The following PTGFRN variants were observed in gnomAD, a reference collection of about 807,000 sequenced individuals.
The protein encoded by PTGFRN is prostaglandin F2 receptor negative regulator.
PTGFRN carries 35 observed loss-of-function variants against 83.2 expected under a neutral mutation model. The observed-to-expected ratio is 0.42, with a 90% CI of 0.32 to 0.56. The LOEUF (loss-of-function observed/expected upper bound fraction) is 0.56. Among genes scored for constraint, PTGFRN ranks in the 20% least tolerant of loss-of-function variants. The pLI, the probability that PTGFRN is intolerant of heterozygous loss-of-function variation, is 0.11. For synonymous variants in PTGFRN, 519 were observed against 498.6 expected (o/e 1.04, Z -0.55); for missense variants, 1,051 against 1,179.5 (o/e 0.89, Z 1.60).
Position 116,909,987 on chromosome 1 carries a change from C to T in PTGFRN, c.-217C>T. On this transcript the variant is annotated 5_prime_UTR_variant, in exon 1 of 9. Transcript: ENST00000393203. ...GGGGCCGGCTCCCGGGCCCGGCCGGCTGGAGGAGGGAGGGAAGGAGGCGGG... is the reference window on the plus strand; with the variant it reads ...GGGGCCGGCTCCCGGGCCCGGCCGGTTGGAGGAGGGAGGGAAGGAGGCGGG... 1 of 589,126 alleles carries T rather than the reference C, an allele frequency of 1.7e-6. No individual in the cohort carries two copies. Among genetic ancestry groups the T allele is most frequent in the Non-Finnish European group, 3.0e-6 (1 of 334,948 alleles). 36.5% of individuals were successfully genotyped at this position (589,126 alleles called of 1,614,324 possible).
At position 116,941,996 on chromosome 1, in the gene PTGFRN, C is replaced by A. The variant is rs1650076166; in HGVS notation, c.331C>A (p.Pro111Thr). 6.2e-7 allele frequency: 1 copy of A among 1,614,212 alleles called. No homozygotes were observed. The highest frequency in any genetic ancestry group is 8.5e-7 in the Non-Finnish European group (1 of 1,180,042). ...AVELHIKNVQ[P>T]SDQGHYKCST... ...GGAGCTCCACATAAAGAACGTCCAG[C>A]CTTCAGACCAAGGCCACTACAAATG... is the stretch of plus-strand genomic sequence containing the variant. The change falls in exon 2 of 9, where the codon CCT becomes ACT. Residue 111 changes from proline (P) to threonine (T), a missense_variant. Pro to Thr is a conservative substitution (Grantham distance 38). Around this residue, in one of 3 missense-constraint regions of PTGFRN, gnomAD observed 127 missense variants for 168.4 expected, o/e 0.75. Coordinates refer to ENST00000393203, the MANE Select transcript of PTGFRN (RefSeq NM_020440.4). The surrounding 1 kb of genome is among the most constrained non-coding windows in gnomAD (Gnocchi z 5.0).
Position 116,987,218 on chromosome 1 carries a change from A to C in PTGFRN, c.*251A>C. ...TGTGTTTTCCCAACTGCAGCTTTTT[A>C]ATGGTTAACCTTCATCTAATTTTTT... On this transcript the variant is annotated 3_prime_UTR_variant, in exon 9 of 9. Coordinates refer to ENST00000393203, the MANE Select transcript of PTGFRN (RefSeq NM_020440.4). 2.3e-6 allele frequency: 1 copy of C among 440,384 alleles called. No individual in the cohort carries two copies. The highest frequency in any genetic ancestry group is 4.1e-6 in the Non-Finnish European group (1 of 242,748). The allele number at this position is 440,384 out of a possible 1,614,324, so 27.3% of individuals were successfully genotyped here.
chr1:116,924,125 G>A (rs949070123), intron 1 of PTGFRN, among the ~76,000 whole-genome samples: 9 of 150,668 alleles, frequency 6.0e-5, no homozygotes, highest in African/African-American at 1.2e-4. Flanking sequence ...CCTATGTCTC[G>A]TCTCTACCTG....
Position 116,941,729 on chromosome 1 carries a change from C to T in PTGFRN, c.64C>T (p.Arg22Cys), listed in dbSNP as rs1190695040. Residue 22 changes from arginine (R) to cysteine (C), a missense_variant, in exon 2 of 9, where the codon CGT (arginine) becomes TGT (cysteine). Around this residue, in one of 3 missense-constraint regions of PTGFRN, gnomAD observed 127 missense variants for 168.4 expected, o/e 0.75. Coordinates refer to ENST00000393203, the MANE Select transcript of PTGFRN (RefSeq NM_020440.4). The surrounding 1 kb of genome is among the most constrained non-coding windows in gnomAD (Gnocchi z 5.0). ...ALLSLALCRG[R>C]VVRVPTATLV... is the part of the protein sequence containing the mutation. ...TATCATTGCAGCTCTTTGCCGAGGGCGTGTGGTGAGAGTCCCCACAGCGAC... is the reference window on the plus strand; with the variant it reads ...TATCATTGCAGCTCTTTGCCGAGGGTGTGTGGTGAGAGTCCCCACAGCGAC... 1.2e-6 allele frequency: 2 copies of T among 1,611,932 alleles called. No homozygotes were observed. Among genetic ancestry groups the T allele is most frequent in the African/African-American group, 1.3e-5 (1 of 74,860 alleles).
intron 8 of PTGFRN, 118 bp downstream of exon 8, chr1:116,985,103 T>G (rs1651426725): frequency 2.7e-6 from 3 of 1,092,254 alleles, no homozygotes; most frequent in Non-Finnish European, 4.0e-6. Flanking sequence ...CGTCCTGCTT[T>G]CTTTCTAGAC....
Position 116,961,718 on chromosome 1 carries a change from C to A in PTGFRN, c.1639+50C>A. On this transcript the variant is annotated intron_variant, in intron 5 of 8. Coordinates refer to ENST00000393203, the MANE Select transcript of PTGFRN (RefSeq NM_020440.4). This position sits in a 1 kb window ranked among gnomAD's most constrained non-coding sequence, Gnocchi z 5.4. ...ATTTTTGTTTTGTCTTTGCTTAAGT[C>A]GTGCCGCTGTGTGTTGATGCACAGT... The A allele has an allele frequency of 2.0e-6, 3 of 1,528,152 alleles. No individual in the cohort carries two copies. The highest frequency in any genetic ancestry group is 2.6e-5 in the South Asian group (2 of 78,282). The allele number at this position is 1,528,152 out of a possible 1,614,324, so 94.7% of individuals were successfully genotyped here. A position where few individuals can be genotyped will look rare whatever the true frequency, so the allele number is the denominator to read the frequency against.
intron 8 of PTGFRN, among the ~76,000 whole-genome samples, chr1:116,985,987 A>G (rs1212437758): frequency 6.6e-6 from 1 of 152,232 alleles, no homozygotes; most frequent in African/African-American, 2.4e-5. Flanking sequence ...GCCTCCGAGG[A>G]TGAGTAAAAG....
intron 2 of PTGFRN, among the ~76,000 whole-genome samples, chr1:116,942,592 T>A (rs1206379941): frequency 4.6e-5 from 7 of 152,218 alleles, no homozygotes; most frequent in Admixed American, 4.6e-4. Flanking sequence ...ATGTTAATGA[T>A]GCTCAGGTTT....
chr1:116,910,417 C>T (rs1194463714), intron 1 of PTGFRN, among the ~76,000 whole-genome samples, 165 bp downstream of exon 1: 1 of 149,916 alleles, frequency 6.7e-6, no homozygotes, highest in East Asian at 2.0e-4. Flanking sequence ...GGGGAGCGGC[C>T]GCGGGGCCGC....
intron 4 of PTGFRN, among the ~76,000 whole-genome samples, chr1:116,954,736 T>G (rs567079167): frequency 6.6e-6 from 1 of 151,736 alleles, no homozygotes; most frequent in Non-Finnish European, 1.5e-5. Flanking sequence ...GTCCTATAAT[T>G]CTGCTCTCAC....
At chr1:116,950,059 C>A (rs1013042642) in intron 4 of PTGFRN, among the ~76,000 whole-genome samples, 3 of 152,082 alleles carry the variant, frequency 2.0e-5, no homozygotes, top group East Asian at 3.8e-4. Flanking sequence ...ATACCACTTA[C>A]AACTAAAGGG....
chr1:116,938,988 T>A (rs1005573536), intron 1 of PTGFRN, among the ~76,000 whole-genome samples: 6 of 152,214 alleles, frequency 3.9e-5, no homozygotes, highest in Non-Finnish European at 8.8e-5. Context: ...ACGTCTCACA[T>A]CCAGGTCACG....
At chr1:116,981,755 A>G (rs1199924154) in intron 7 of PTGFRN, among the ~76,000 whole-genome samples, 3 of 152,268 alleles carry the variant, frequency 2.0e-5, no homozygotes, top group Non-Finnish European at 4.4e-5. Flanking sequence ...GTAGATAATA[A>G]TGTAAGCAAA....
chr1:116,973,926 A>G (rs900825972), intron 6 of PTGFRN, among the ~76,000 whole-genome samples: 2 of 152,214 alleles, frequency 1.3e-5, no homozygotes, highest in African/African-American at 2.4e-5. Context: ...GGTGGAGGGT[A>G]GCTTTCGAAT....
rs752831772 is a variant in PTGFRN at position 116,988,030 on chromosome 1, A to G, written c.*1063A>G. The stretch of plus-strand genomic sequence containing the variant: ...TTGCAGGGGGACCCACAGATATGCC[A>G]TGTCCTTCACACGTGCTTGGGCTCC... On this transcript the variant is annotated 3_prime_UTR_variant, in exon 9 of 9. Transcript: ENST00000393203. 2.0e-5 allele frequency: 3 copies of G among 152,242 alleles called. No individual in the cohort carries two copies. The highest frequency in any genetic ancestry group is 4.4e-5 in the Non-Finnish European group (3 of 68,060). 9.4% of individuals were successfully genotyped at this position (152,242 alleles called of 1,614,324 possible).
In PTGFRN at chr1:116,969,760, AT is replaced by A. The variant is rs1183593154; in HGVS notation, c.2059+2436del. Among the ~76,000 whole-genome samples the A allele has an allele frequency of 5.9e-5, 9 of 151,868 alleles. No homozygotes were observed. In the East Asian group the frequency reaches 1.7e-3, roughly 29 times the overall value. On this transcript the variant is annotated intron_variant, in intron 6 of 8. Transcript: ENST00000393203. ...TCTTTCCATTTATTTAGGTATTTAA[AT>A]TTTTTCCATGGTGTTTCGTAGTTTT...
chr1:116,940,625 G>A (rs995718181), intron 1 of PTGFRN, among the ~76,000 whole-genome samples: 4 of 152,118 alleles, frequency 2.6e-5, no homozygotes, highest in African/African-American at 9.7e-5. Context: ...ATTTCCTGGA[G>A]CCCTTATTAC....
rs1276220624 is a variant in PTGFRN at position 116,989,096 on chromosome 1, T to C, written c.*2129T>C. 3 of 152,210 alleles carry C rather than the reference T, an allele frequency of 2.0e-5. No homozygotes were observed. Among genetic ancestry groups the C allele is most frequent in the Admixed American group, 1.3e-4 (2 of 15,284 alleles). The allele number at this position is 152,210 out of a possible 1,614,324, so 9.4% of individuals were successfully genotyped here. A position where few individuals can be genotyped will look rare whatever the true frequency, so the allele number is the denominator to read the frequency against. ...GGATTTTATTGGCACAGGCCCTTCT[T>C]AGTAGGAAGAAAGGGTGCTTAGCTT... On this transcript the variant is annotated 3_prime_UTR_variant, in exon 9 of 9. Transcript: ENST00000393203.
chr1:116,968,253 A>T (rs1650894865), intron 6 of PTGFRN, among the ~76,000 whole-genome samples: 1 of 151,638 alleles, frequency 6.6e-6, no homozygotes, highest in Non-Finnish European at 1.5e-5. Context: ...ATTAATACTT[A>T]TCTGTAAAAA....
Sources: allele counts gnomAD v4.1 joint callset (sites outside exome capture counted in the v4.1 genomes callset), GRCh38; gene constraint gnomAD v4.1.1; regional missense constraint gnomAD v4.1.1; non-coding constraint Gnocchi (gnomAD v3.1); transcripts MANE v1.5; gene names NCBI Gene and HGNC (gene_info 2026-07-23, HGNC 2026-07-21).